Variants in DPYD observed in about 807,000 individuals in gnomAD.
DPYD encodes the protein dihydropyrimidine dehydrogenase [NADP(+)].
Under a neutral mutation model 116.2 loss-of-function variants are expected in DPYD, and 109 were observed. The ratio of observed to expected loss-of-function variants is 0.94; its 90% CI spans 0.80 to 1.10. DPYD has a LOEUF of 1.10. Among genes scored for constraint, DPYD ranks in the 50% least tolerant of loss-of-function variants. The probability of loss-of-function intolerance (pLI) is 0.00; values close to 1 mark genes in which losing one functional copy is unlikely to be tolerated. For missense variants in DPYD, 1,302 were observed against 1,254.5 expected, an observed-to-expected ratio of 1.04 and a Z score of -0.57; for synonymous variants, 440 against 432.0, an observed-to-expected ratio of 1.02 and a Z score of -0.23.
chr1:97,732,803 G>A (rs922149112), intron 4 of DPYD, among the ~76,000 whole-genome samples: 1 of 151,940 alleles, frequency 6.6e-6, no homozygotes, highest in African/African-American at 2.4e-5. Context: ...ATGAGTCAAG[G>A]TGGGCATACA....
chr1:97,399,141 G>A (rs1280697153), intron 14 of DPYD, among the ~76,000 whole-genome samples: 7 of 151,288 alleles, frequency 4.6e-5, no homozygotes, highest in Non-Finnish European at 8.8e-5. Context: ...TAAGGAAGGG[G>A]TCCAGTTTCA....
chr1:97,630,359 C>T (rs1434381449), intron 8 of DPYD, among the ~76,000 whole-genome samples: 1 of 150,934 alleles, frequency 6.6e-6, no homozygotes, highest in Non-Finnish European at 1.5e-5. Context: ...CTTTATGTGC[C>T]TCATCATCTC....
intron 20 of DPYD, among the ~76,000 whole-genome samples, chr1:97,130,525 T>C (rs1176949108): frequency 1.3e-5 from 2 of 152,184 alleles, no homozygotes; most frequent in East Asian, 3.8e-4. Flanking sequence ...TTATTAGGGA[T>C]ATCATCCCTA....
chr1:97,815,100 GAGAAAAGAGAAGAGAA>G lies in DPYD; in HGVS notation c.233+12998_233+13013del, dbSNP rs1557982833. ...AGAGAAGAAAGAAAAGAGAAGAGAA[GAGAAAAGAGAAGAGAA>G]GAGAAAAGAAAAGAAGTCCAGATCC... On this transcript the variant is annotated intron_variant, in intron 3 of 22. Transcript: ENST00000370192. Among the ~76,000 whole-genome samples the G allele has an allele frequency of 0.039, 389 of 10,076 alleles. 19 individuals carry two copies. The East Asian group carries it at 0.52, about 13-fold the overall frequency. 6.6% of individuals were successfully genotyped at this position (10,076 alleles called of 152,430 possible).
chr1:97,247,530 T>C (rs1662797958), intron 18 of DPYD, among the ~76,000 whole-genome samples: 1 of 152,174 alleles, frequency 6.6e-6, no homozygotes, highest in African/African-American at 2.4e-5. Flanking sequence ...AAATGGATGA[T>C]AAAAACTAGT....
chr1:97,338,463 C>G (rs1036605372), intron 16 of DPYD, among the ~76,000 whole-genome samples: 4 of 152,122 alleles, frequency 2.6e-5, no homozygotes, highest in Non-Finnish European at 4.4e-5. Context: ...TCCTTGGCCA[C>G]TGGAGACTGC....
chr1:97,858,315 G>A (rs2101585607), intron 2 of DPYD, among the ~76,000 whole-genome samples: 1 of 152,132 alleles, frequency 6.6e-6, no homozygotes, highest in East Asian at 1.9e-4. Flanking sequence ...AAGTGTTTTT[G>A]TTAAGTCTGC....
At chr1:97,549,093 T>C (rs1439710216) in intron 12 of DPYD, among the ~76,000 whole-genome samples, 1 of 151,626 alleles carries the variant, frequency 6.6e-6, no homozygotes, top group African/African-American at 2.4e-5. Context: ...TGAGACAAGG[T>C]CTCTCTCTGT....
chr1:97,648,170 G>A (rs1658380351), intron 8 of DPYD, among the ~76,000 whole-genome samples: 1 of 151,984 alleles, frequency 6.6e-6, no homozygotes, highest in Admixed American at 6.6e-5. Flanking sequence ...AAACCATACT[G>A]ATAGCCTCAC....
intron 16 of DPYD, among the ~76,000 whole-genome samples, chr1:97,336,668 T>C (rs1437841228): frequency 6.6e-6 from 1 of 152,166 alleles, no homozygotes; most frequent in Non-Finnish European, 1.5e-5. Context: ...GAGAATTGCT[T>C]GAACCCAGGA....
chr1:97,348,125 T>C (rs1467423045), intron 16 of DPYD, among the ~76,000 whole-genome samples: 1 of 152,130 alleles, frequency 6.6e-6, no homozygotes, highest in Non-Finnish European at 1.5e-5. Flanking sequence ...TCCAAGAGGA[T>C]GTTTTCCATC....
intron 2 of DPYD, among the ~76,000 whole-genome samples, chr1:97,863,200 G>A (rs909066918): frequency 6.6e-6 from 1 of 151,760 alleles, no homozygotes; most frequent in African/African-American, 2.4e-5. Context: ...AGATTCAGAG[G>A]TTACCCTCCC....
At chr1:97,492,539 T>C (rs978578024) in intron 13 of DPYD, among the ~76,000 whole-genome samples, 2 of 152,202 alleles carry the variant, frequency 1.3e-5, no homozygotes, top group African/African-American at 4.8e-5. Flanking sequence ...ACTATTGACG[T>C]TCCACGTATG....
Position 97,483,537 on chromosome 1 carries a change from C to T in DPYD, c.1740+32189G>A, listed in dbSNP as rs767896410. ...GGAGAACATTAGGGAAGATAGTTAACGCATGCTGGGCTTAATACCTAAGTG... is the reference window on the plus strand; with the variant it reads ...GGAGAACATTAGGGAAGATAGTTAATGCATGCTGGGCTTAATACCTAAGTG... On this transcript the variant is annotated intron_variant, in intron 13 of 22. Transcript: ENST00000370192. Among the ~76,000 whole-genome samples, 32 of 152,104 alleles carry T rather than the reference C, an allele frequency of 2.1e-4. 2 individuals carry two copies. The highest frequency in any genetic ancestry group is 6.8e-3 in the Middle Eastern group (2 of 294).
intron 14 of DPYD, among the ~76,000 whole-genome samples, chr1:97,384,167 A>C (rs1672160598): frequency 6.6e-6 from 1 of 152,046 alleles, no homozygotes; most frequent in Admixed American, 6.6e-5. Context: ...TGCCAAGCTT[A>C]AAGTTGCAGA....
intron 20 of DPYD, among the ~76,000 whole-genome samples, chr1:97,139,844 T>C (rs1435444553): frequency 6.6e-6 from 1 of 152,136 alleles, no homozygotes; most frequent in Non-Finnish European, 1.5e-5. Context: ...CCCATAGCTC[T>C]AAGGAGAGGC....
chr1:97,140,820 T>A (rs1654161706), intron 20 of DPYD, among the ~76,000 whole-genome samples: 1 of 152,186 alleles, frequency 6.6e-6, no homozygotes, highest in Non-Finnish European at 1.5e-5. Flanking sequence ...AGAAAAACTC[T>A]GGGATTTTAT....
At chr1:97,515,625 A>C (rs974684427) in intron 13 of DPYD, 101 bp downstream of exon 13, 1 of 1,017,664 alleles carries the variant, frequency 9.8e-7, no homozygotes, top group African/African-American at 1.6e-5. Flanking sequence ...AAATAGTTTA[A>C]TAAGTAGTAT....
intron 3 of DPYD, among the ~76,000 whole-genome samples, chr1:97,825,772 A>T (rs879520626): frequency 2.7e-5 from 4 of 146,494 alleles, no homozygotes; most frequent in Admixed American, 6.8e-5. Context: ...AAAGTATAAT[A>T]AAAAAAAAAG....
Sources: allele counts gnomAD v4.1 joint callset (sites outside exome capture counted in the v4.1 genomes callset), GRCh38; gene constraint gnomAD v4.1.1; transcripts MANE v1.5; gene names NCBI Gene and HGNC (gene_info 2026-07-23, HGNC 2026-07-21).